C1QA: variants seen among roughly 807,000 people sequenced by gnomAD.
C1QA encodes the protein complement C1q subcomponent subunit A.
Under a neutral mutation model 6.9 loss-of-function variants are expected in C1QA, and 3 were observed. The ratio of observed to expected loss-of-function variants is 0.44; its 90% confidence interval spans 0.20 to 1.12. C1QA has a LOEUF of 1.12. Ranked by LOEUF, C1QA falls within the 50% of genes most tolerant of loss-of-function variation. C1QA has a pLI of 0.27. For synonymous variants in C1QA, 128 were observed against 134.1 expected (o/e 0.95, Z 0.31); for missense variants, 273 against 326.6 (o/e 0.84, Z 1.26).
Position 22,639,451 on chromosome 1 carries a change from TGCTCC to T in C1QA, c.*47_*51del. On this transcript the variant is annotated 3_prime_UTR_variant, in exon 3 of 3. Coordinates refer to ENST00000374642, the MANE Select transcript of C1QA (RefSeq NM_015991.4). The surrounding 1 kb of genome is among the most constrained non-coding windows in gnomAD (Gnocchi z 4.6). The stretch of plus-strand genomic sequence containing the variant: ...CCCCCACCCACCTCTCTGGCTTCCA[TGCTCC>T]GCCTGTAAAATGGGGGCGCTATTGC... The T allele has an allele frequency of 6.2e-7, 1 of 1,600,256 alleles. No homozygotes were observed. The highest frequency in any genetic ancestry group is 8.5e-7 in the Non-Finnish European group (1 of 1,175,458).
intron 2 of C1QA, 102 bp from the exon 3 acceptor site, chr1:22,638,731 G>T (rs1022829441): frequency 2.0e-5 from 26 of 1,314,842 alleles, no homozygotes; most frequent in Non-Finnish European, 2.8e-5. Context: ...AGGCCCAGGT[G>T]CTTCATTGCC....
chr1:22,638,048 G>GA (rs1440613902), intron 2 of C1QA, among the ~76,000 whole-genome samples: 1 of 152,180 alleles, frequency 6.6e-6, no homozygotes, highest in Non-Finnish European at 1.5e-5. Flanking sequence ...TTTGACCAGT[G>GA]AAAGTGAAAG....
Position 22,637,873 on chromosome 1 carries a change from C to G in C1QA, c.163+94C>G, listed in dbSNP as rs544956164. Reference sequence around the variant, plus strand: ...GGGGTGGCACTGAGAATCAGGAGTCCGTCTGCCCCCAGTGCCCCATGAATC... The same window carrying G: ...GGGGTGGCACTGAGAATCAGGAGTCGGTCTGCCCCCAGTGCCCCATGAATC... On this transcript the variant is annotated intron_variant, in intron 2 of 2. Coordinates refer to ENST00000374642, the MANE Select transcript of C1QA (RefSeq NM_015991.4). The surrounding 1 kb of genome is among the most constrained non-coding windows in gnomAD (Gnocchi z 4.4). 1 of 1,413,288 alleles carries G rather than the reference C, an allele frequency of 7.1e-7. No individual in the cohort carries two copies. 87.5% of individuals were successfully genotyped at this position (1,413,288 alleles called of 1,614,324 possible).
In C1QA at chr1:22,637,796, G is replaced by C. The variant is rs1392340023; in HGVS notation, c.163+17G>C. 5 of 1,554,956 alleles carry C rather than the reference G, an allele frequency of 3.2e-6. No homozygotes were observed. The highest frequency in any genetic ancestry group is 4.3e-6 in the Non-Finnish European group (5 of 1,149,810). On this transcript the variant is annotated intron_variant, in intron 2 of 2. Transcript: ENST00000374642. This position sits in a 1 kb window ranked among gnomAD's most constrained non-coding sequence, Gnocchi z 4.4. ...GGGAGCCGGGTAAGCACCCTTCCTC[G>C]GGACCCAGCCCCTTGGACCTTGGCC...
chr1:22,638,379 C>T (rs1358686116), intron 2 of C1QA, among the ~76,000 whole-genome samples: 1 of 152,152 alleles, frequency 6.6e-6, no homozygotes, highest in Non-Finnish European at 1.5e-5. Flanking sequence ...GGAAGAGGTC[C>T]TGACCAAAGT....
chr1:22,638,916 G>C lies in C1QA; in HGVS notation c.247G>C (p.Gly83Arg). 1 of 1,595,542 alleles carries C rather than the reference G, an allele frequency of 6.3e-7. No homozygotes were observed. Among genetic ancestry groups the C allele is most frequent in the Non-Finnish European group, 8.5e-7 (1 of 1,171,420 alleles). The change falls in exon 3 of 3, where the codon GGC becomes CGC. Residue 83 changes from glycine to arginine, a missense_variant. By Grantham distance (125) the Gly-to-Arg change is moderately radical. Transcript: ENST00000374642. ...PGPSGNPGKV[G>R]YPGPSGPLGA... is the part of the protein sequence containing the mutation. ...GCCCTCTGGAAACCCCGGCAAGGTG[G>C]GCTACCCAGGGCCCAGCGGCCCCCT... is the stretch of plus-strand genomic sequence containing the variant.
chr1:22,637,737 A>T lies in C1QA; in HGVS notation c.121A>T (p.Arg41Ter). 6.2e-7 allele frequency: 1 copy of T among 1,608,772 alleles called. No homozygotes were observed. Among genetic ancestry groups the T allele is most frequent in the South Asian group, 1.1e-5 (1 of 90,166 alleles). ...GAAAGGGGAGGCAGGAAGACCTGGC[A>T]GACGGGGGCGGCCAGGCCTCAAGGG... ...GKKGEAGRPG[R>*]RGRPGLKGEQ... Residue 41 changes from arginine to a stop codon, truncating the protein, a stop_gained, in exon 2 of 3, where the codon AGA becomes TGA. Coordinates refer to ENST00000374642, the MANE Select transcript of C1QA (RefSeq NM_015991.4). LOFTEE classifies it low-confidence loss of function (END_TRUNC). This position sits in a 1 kb window ranked among gnomAD's most constrained non-coding sequence, Gnocchi z 4.4.
In C1QA at chr1:22,638,303, C is replaced by T. The variant is rs75353031; in HGVS notation, c.163+524C>T. On this transcript the variant is annotated intron_variant, in intron 2 of 2. Transcript: ENST00000374642. ...ACCCCCAACACTGTCCCTGCTTCCC[C>T]CTCCCCAGCCCCTTCAGGCTTCAGA... is the stretch of plus-strand genomic sequence containing the variant. Among the ~76,000 whole-genome samples the T allele has an allele frequency of 1.2e-3, 181 of 152,240 alleles. 1 individual carries two copies. The East Asian group carries it at 0.027, about 23-fold the overall frequency.
rs1195500947 is a variant in C1QA at position 22,637,077 on chromosome 1, A to C, written c.-8+375A>C. On this transcript the variant is annotated intron_variant, in intron 1 of 2. Transcript: ENST00000374642. This position sits in a 1 kb window ranked among gnomAD's most constrained non-coding sequence, Gnocchi z 4.4. ...GTCACCCATGCTCAGGTGGATGCTGAAAGGCGCTGAGCATGCAGAAGAGTG... is the reference window on the plus strand; with the variant it reads ...GTCACCCATGCTCAGGTGGATGCTGCAAGGCGCTGAGCATGCAGAAGAGTG... Among the ~76,000 whole-genome samples, 1 of 152,190 alleles carries C rather than the reference A, an allele frequency of 6.6e-6. No homozygotes were observed. Among genetic ancestry groups the C allele is most frequent in the African/African-American group, 2.4e-5 (1 of 41,446 alleles).
At position 22,639,450 on chromosome 1, in the gene C1QA, A is replaced by G. The variant is rs748236589; in HGVS notation, c.*43A>G. ...TCCCCCACCCACCTCTCTGGCTTCCATGCTCCGCCTGTAAAATGGGGGCGC... is the reference window on the plus strand; with the variant it reads ...TCCCCCACCCACCTCTCTGGCTTCCGTGCTCCGCCTGTAAAATGGGGGCGC... On this transcript the variant is annotated 3_prime_UTR_variant, in exon 3 of 3. Coordinates refer to ENST00000374642, the MANE Select transcript of C1QA (RefSeq NM_015991.4). The surrounding 1 kb of genome is among the most constrained non-coding windows in gnomAD (Gnocchi z 4.6). 73 of 1,600,824 alleles carry G rather than the reference A, an allele frequency of 4.6e-5. No individual in the cohort carries two copies. Among genetic ancestry groups the G allele is most frequent in the Non-Finnish European group, 5.9e-5 (69 of 1,175,684 alleles).
At chr1:22,638,762 G>A in intron 2 of C1QA, 71 bp from the exon 3 acceptor site, 3 of 1,504,836 alleles carry the variant, frequency 2.0e-6, no homozygotes, top group Non-Finnish European at 2.7e-6. Flanking sequence ...TAGACTCAGG[G>A]GGTCCAGCTC....
At position 22,639,339 on chromosome 1, in the gene C1QA, G is replaced by T; in HGVS notation, c.670G>T (p.Gly224Cys). 6.2e-7 allele frequency: 1 copy of T among 1,614,082 alleles called. No homozygotes were observed. The highest frequency in any genetic ancestry group is 8.5e-7 in the Non-Finnish European group (1 of 1,180,032). The change falls in exon 3 of 3, where the codon GGT becomes TGT. Residue 224 changes from glycine to cysteine, a missense_variant. Transcript: ENST00000374642. The surrounding 1 kb of genome is among the most constrained non-coding windows in gnomAD (Gnocchi z 4.6). ...CTGGGTTGAAAAAGACCCCAAAAAGGGTCACATTTACCAGGGCTCTGAGGC... is the reference window on the plus strand; with the variant it reads ...CTGGGTTGAAAAAGACCCCAAAAAGTGTCACATTTACCAGGGCTCTGAGGC... ...QVWVEKDPKK[G>C]HIYQGSEADS...
At position 22,637,453 on chromosome 1, in the gene C1QA, C is replaced by T; in HGVS notation, c.-7-157C>T. The T allele has an allele frequency of 1.2e-6, 1 of 867,460 alleles. No individual in the cohort carries two copies. The highest frequency in any genetic ancestry group is 1.6e-5 in the South Asian group (1 of 62,156). 53.7% of individuals were successfully genotyped at this position (867,460 alleles called of 1,614,324 possible). ...GTGGTTCTGTGTATATGCGTGGGGT[C>T]CTGGGGCTGGATTGAGAGTGGACAT... On this transcript the variant is annotated intron_variant, in intron 1 of 2. Coordinates refer to ENST00000374642, the MANE Select transcript of C1QA (RefSeq NM_015991.4). This position sits in a 1 kb window ranked among gnomAD's most constrained non-coding sequence, Gnocchi z 4.4.
chr1:22,639,032 G>A lies in C1QA; in HGVS notation c.363G>A (p.Arg121=). The A allele has an allele frequency of 6.2e-7, 1 of 1,614,092 alleles. No homozygotes were observed. Among genetic ancestry groups the A allele is most frequent in the Non-Finnish European group, 8.5e-7 (1 of 1,179,956 alleles). The part of the protein sequence containing the change: ...DQPRPAFSAI[R]RNPPMGGNVV... ...CGAGGCCAGCCTTCTCCGCCATTCGGCGGAACCCCCCAATGGGGGGCAACG... is the reference window on the plus strand; with the variant it reads ...CGAGGCCAGCCTTCTCCGCCATTCGACGGAACCCCCCAATGGGGGGCAACG... The change falls in exon 3 of 3, where the codon CGG becomes CGA. Residue 121 remains arginine, a synonymous_variant. Coordinates refer to ENST00000374642, the MANE Select transcript of C1QA (RefSeq NM_015991.4). The surrounding 1 kb of genome is among the most constrained non-coding windows in gnomAD (Gnocchi z 4.6).
At chr1:22,638,111 G>C (rs1161060941) in intron 2 of C1QA, among the ~76,000 whole-genome samples, 1 of 152,194 alleles carries the variant, frequency 6.6e-6, no homozygotes, top group East Asian at 1.9e-4. Flanking sequence ...AGAAAAACGA[G>C]GACTCAGAGT....
In C1QA at chr1:22,637,153, C is replaced by T. The variant is rs1642193087; in HGVS notation, c.-8+451C>T. On this transcript the variant is annotated intron_variant, in intron 1 of 2. Coordinates refer to ENST00000374642, the MANE Select transcript of C1QA (RefSeq NM_015991.4). The surrounding 1 kb of genome is among the most constrained non-coding windows in gnomAD (Gnocchi z 4.4). ...GAATTCCTGTGTGTATGCAGAGCTC[C>T]ACCATCTGGGTGAGCCAGTGTTAAT... is the stretch of plus-strand genomic sequence containing the variant. 6.6e-6 allele frequency among the ~76,000 whole-genome samples: 1 copy of T among 152,200 alleles called. No individual in the cohort carries two copies. Among genetic ancestry groups the T allele is most frequent in the African/African-American group, 2.4e-5 (1 of 41,440 alleles).
chr1:22,637,616 C>A lies in C1QA; in HGVS notation c.-1C>A. 1 of 1,613,974 alleles carries A rather than the reference C, an allele frequency of 6.2e-7. No individual in the cohort carries two copies. Among genetic ancestry groups the A allele is most frequent in the Non-Finnish European group, 8.5e-7 (1 of 1,179,956 alleles). ...CCCTCCCGTGTCTCCACAGAGGCATCATGGAGGGTCCCCGGGGATGGCTGG... is the reference window on the plus strand; with the variant it reads ...CCCTCCCGTGTCTCCACAGAGGCATAATGGAGGGTCCCCGGGGATGGCTGG... On this transcript the variant is annotated 5_prime_UTR_variant, in exon 2 of 3. Coordinates refer to ENST00000374642, the MANE Select transcript of C1QA (RefSeq NM_015991.4). This position sits in a 1 kb window ranked among gnomAD's most constrained non-coding sequence, Gnocchi z 4.4.
In C1QA at chr1:22,637,035, G is replaced by A. The variant is rs916749410; in HGVS notation, c.-8+333G>A. Among the ~76,000 whole-genome samples, 5 of 152,148 alleles carry A rather than the reference G, an allele frequency of 3.3e-5. No individual in the cohort carries two copies. The highest frequency in any genetic ancestry group is 4.8e-5 in the African/African-American group (2 of 41,438). On this transcript the variant is annotated intron_variant, in intron 1 of 2. Transcript: ENST00000374642. This position sits in a 1 kb window ranked among gnomAD's most constrained non-coding sequence, Gnocchi z 4.4. ...GCTGGCAGTGGGACCCAGCAGAGGGGACTGTAGGGGCAGCCAGTCACCCAT... is the reference window on the plus strand; with the variant it reads ...GCTGGCAGTGGGACCCAGCAGAGGGAACTGTAGGGGCAGCCAGTCACCCAT...
chr1:22,639,023 C>G lies in C1QA; in HGVS notation c.354C>G (p.Ser118=). The change falls in exon 3 of 3, where the codon TCC becomes TCG. Residue 118 remains serine, a synonymous_variant. Coordinates refer to ENST00000374642, the MANE Select transcript of C1QA (RefSeq NM_015991.4). The surrounding 1 kb of genome is among the most constrained non-coding windows in gnomAD (Gnocchi z 4.6). ...AGGACCAGCCGAGGCCAGCCTTCTC[C>G]GCCATTCGGCGGAACCCCCCAATGG... ...NIKDQPRPAF[S]AIRRNPPMGG... is the part of the protein sequence containing the mutation. The G allele has an allele frequency of 6.2e-7, 1 of 1,613,960 alleles. No homozygotes were observed. Among genetic ancestry groups the G allele is most frequent in the Non-Finnish European group, 8.5e-7 (1 of 1,179,878 alleles).
Sources: gnomAD v4.1 joint callset for allele counts (sites outside exome capture counted in the v4.1 genomes callset) on GRCh38, gnomAD v4.1.1 for gene constraint, Gnocchi (gnomAD v3.1) non-coding constraint, MANE v1.5 for transcripts, NCBI Gene and HGNC (gene_info 2026-07-23, HGNC 2026-07-21) for gene names.